The following MMADHC variants were observed in gnomAD, a reference collection of about 807,000 sequenced individuals.
MMADHC encodes metabolism of cobalamin associated D.
A neutral mutation model predicts 36.3 loss-of-function variants in MMADHC; 23 were observed. The ratio of observed to expected loss-of-function variants is 0.63; its 90% CI spans 0.46 to 0.90. MMADHC has a LOEUF of 0.90. Among genes scored for constraint, MMADHC ranks in the 40% least tolerant of loss-of-function variants. MMADHC has a pLI of 0.00. For missense variants in MMADHC, 330 were observed against 348.0 expected (o/e 0.95, Z 0.41); for synonymous variants, 97 against 116.1 (o/e 0.84, Z 1.06).
rs761631035 is a variant in MMADHC, at chr2:149,571,177, A to G, written c.610-6T>C. 1.1e-5 allele frequency: 17 copies of G among 1,589,520 alleles called. No homozygotes were observed. The highest frequency in any genetic ancestry group is 1.4e-5 in the Non-Finnish European group (16 of 1,161,712). On this transcript the variant is annotated splice_polypyrimidine_tract_variant and splice_region_variant and intron_variant, in intron 6 of 7. Transcript: ENST00000303319. Reference sequence around the variant, plus strand: ...TCCTTAGCACCATTGATGAACTGCAATGGAAGTCACAAATAATATGCTTAA... The same window carrying G: ...TCCTTAGCACCATTGATGAACTGCAGTGGAAGTCACAAATAATATGCTTAA...
chr2:149,581,462 C>A (rs1443217365), intron 3 of MMADHC, among the ~76,000 whole-genome samples: 1 of 152,116 alleles, frequency 6.6e-6, no homozygotes, highest in East Asian at 1.9e-4. Flanking sequence ...CTTTAGGACA[C>A]ATTAGGTTAA....
At chr2:149,586,296 T>G (rs1443510873) in intron 2 of MMADHC, among the ~76,000 whole-genome samples, 3 of 152,248 alleles carry the variant, frequency 2.0e-5, no homozygotes, top group Non-Finnish European at 4.4e-5. Context: ...ATCTCCCACT[T>G]ATCTCTTTCA....
chr2:149,583,408 T>G (rs1451646249), intron 2 of MMADHC, among the ~76,000 whole-genome samples: 1 of 152,008 alleles, frequency 6.6e-6, no homozygotes, highest in Non-Finnish European at 1.5e-5. Flanking sequence ...AGAATGCAAT[T>G]AAAAAAAGGT....
At chr2:149,577,052 G>A (rs993266216) in intron 4 of MMADHC, among the ~76,000 whole-genome samples, 1 of 151,942 alleles carries the variant, frequency 6.6e-6, no homozygotes, top group Non-Finnish European at 1.5e-5. Flanking sequence ...GCGCTGCAAT[G>A]GTAAAAAATT....
intron 1 of MMADHC, 83 bp from the exon 2 acceptor site, chr2:149,587,232 G>T: frequency 1.2e-6 from 1 of 868,330 alleles, no homozygotes; most frequent in Non-Finnish European, 1.9e-6. Context: ...CTCTTCGAAG[G>T]TGTGTCGTCC....
chr2:149,579,742 TATCTAA>T, intron 3 of MMADHC, 94 bp from the exon 4 acceptor site: 1 of 1,067,340 alleles, frequency 9.4e-7, no homozygotes, highest in Non-Finnish European at 1.4e-6. Flanking sequence ...TGTATATTTT[TATCTAA>T]AAGATCTTCA....
chr2:149,577,342 C>G (rs1682732180), intron 4 of MMADHC, among the ~76,000 whole-genome samples: 1 of 152,044 alleles, frequency 6.6e-6, no homozygotes, highest in African/African-American at 2.4e-5. Context: ...TAATAAAGTA[C>G]AAAGACACAG....
intron 6 of MMADHC, among the ~76,000 whole-genome samples, chr2:149,575,377 TGG>T (rs1682698634): frequency 1.4e-5 from 2 of 140,988 alleles, no homozygotes; most frequent in South Asian, 4.3e-4. Context: ...GAGGGGAAGA[TGG>T]GGAGATGAAG....
intron 6 of MMADHC, 43 bp downstream of exon 6, chr2:149,575,664 TTAAA>T: frequency 6.7e-7 from 1 of 1,486,792 alleles, no homozygotes; most frequent in Non-Finnish European, 9.2e-7. Flanking sequence ...TCACTATTAC[TTAAA>T]TAATGACCAT....
rs1010831302 is a variant in MMADHC, at chr2:149,587,160, A to G, written c.-52-11T>C. 2.0e-6 allele frequency: 3 copies of G among 1,496,448 alleles called. No individual in the cohort carries two copies. Among genetic ancestry groups the G allele is most frequent in the Admixed American group, 3.3e-5 (2 of 59,848 alleles). The allele number at this position is 1,496,448 out of a possible 1,614,324, so 92.7% of individuals were successfully genotyped here. ...TTGGTAAAGTTATTTCTGGGAAAGAACACAACAAAACAGACGAGTGATCGA... is the reference window on the plus strand; with the variant it reads ...TTGGTAAAGTTATTTCTGGGAAAGAGCACAACAAAACAGACGAGTGATCGA... On this transcript the variant is annotated splice_polypyrimidine_tract_variant and intron_variant, in intron 1 of 7. Transcript: ENST00000303319.
intron 3 of MMADHC, among the ~76,000 whole-genome samples, chr2:149,580,452 C>G (rs1253884885): frequency 6.6e-6 from 1 of 152,032 alleles, no homozygotes; most frequent in Non-Finnish European, 1.5e-5. Flanking sequence ...GACCACATTA[C>G]TTTATTCACT....
intron 2 of MMADHC, among the ~76,000 whole-genome samples, chr2:149,585,494 C>T (rs1573881765): frequency 6.6e-6 from 1 of 152,202 alleles, no homozygotes; most frequent in Non-Finnish European, 1.5e-5. Context: ...GAATTAAATA[C>T]AAACATTGAG....
chr2:149,587,311 G>A (rs928164978), intron 1 of MMADHC, 162 bp from the exon 2 acceptor site: 30 of 609,820 alleles, frequency 4.9e-5, no homozygotes, highest in Non-Finnish European at 8.2e-5. Flanking sequence ...CCCATGCCAG[G>A]CACAGATCCC....
chr2:149,580,009 T>C (rs1052383146), intron 3 of MMADHC, among the ~76,000 whole-genome samples: 5 of 152,190 alleles, frequency 3.3e-5, no homozygotes, highest in African/African-American at 7.2e-5. Context: ...GCATGTATAA[T>C]AACATTTATT....
In MMADHC at chr2:149,581,314, G is replaced by C. The variant is rs34089538; in HGVS notation, c.154+813C>G. Among the ~76,000 whole-genome samples, 608 of 152,154 alleles carry C rather than the reference G, an allele frequency of 4.0e-3. 8 individuals are homozygous for C. The East Asian group carries it at 0.061, about 15-fold the overall frequency. ...TTCATTTATTATAAATATATGGTTA[G>C]TCTTTAGGTGATGTAAATTGGGGAG... On this transcript the variant is annotated intron_variant, in intron 3 of 7. Coordinates refer to ENST00000303319, the MANE Select transcript of MMADHC (RefSeq NM_015702.3).
At chr2:149,580,230 G>C (rs533325190) in intron 3 of MMADHC, among the ~76,000 whole-genome samples, 1 of 152,162 alleles carries the variant, frequency 6.6e-6, no homozygotes, top group South Asian at 2.1e-4. Context: ...CCAAAGTGCT[G>C]GGATTACAGT....
chr2:149,577,999 A>G (rs1573877919), intron 4 of MMADHC, among the ~76,000 whole-genome samples: 1 of 152,176 alleles, frequency 6.6e-6, no homozygotes. Flanking sequence ...GCCTGGTGAC[A>G]GAGCAAGACT....
intron 6 of MMADHC, 22 bp from the exon 7 acceptor site, chr2:149,571,193 A>C (rs1469052443): frequency 1.6e-5 from 24 of 1,501,878 alleles, no homozygotes; most frequent in Non-Finnish European, 1.8e-5. Context: ...GTCACAAATA[A>C]TATGCTTAAG....
chr2:149,576,899 T>G (rs958719296), intron 4 of MMADHC, among the ~76,000 whole-genome samples: 1 of 152,186 alleles, frequency 6.6e-6, no homozygotes, highest in Non-Finnish European at 1.5e-5. Context: ...TCTTCTATAA[T>G]CTGTAAAAGG....
Sources: allele counts gnomAD v4.1 joint callset (sites outside exome capture counted in the v4.1 genomes callset), GRCh38; gene constraint gnomAD v4.1.1; transcripts MANE v1.5; gene names NCBI Gene and HGNC (gene_info 2026-07-23, HGNC 2026-07-21).